Variants in DPF3 observed in about 807,000 individuals in gnomAD.
DPF3 encodes double PHD fingers 3.
Under a neutral mutation model 56.8 loss-of-function variants are expected in DPF3, and 18 were observed. The observed-to-expected ratio is 0.32, with a 90% CI of 0.22 to 0.47. The LOEUF (loss-of-function observed/expected upper bound fraction) is 0.47. Among genes scored for constraint, DPF3 ranks in the 20% least tolerant of loss-of-function variants. The pLI is 1.00. For synonymous variants in DPF3, 188 were observed against 180.2 expected (o/e 1.04, Z -0.35); for missense variants, 403 against 488.8 (o/e 0.82, Z 1.65).
intron 6 of DPF3, among the ~76,000 whole-genome samples, chr14:72,711,849 C>T (rs1047432958): frequency 6.6e-6 from 1 of 151,772 alleles, no homozygotes; most frequent in Admixed American, 6.6e-5. Context: ...TAGGGACGCT[C>T]GAGGAGGTGG....
intron 1 of DPF3, among the ~76,000 whole-genome samples, chr14:72,842,273 T>C (rs184787489): frequency 1.3e-5 from 2 of 152,172 alleles, no homozygotes; most frequent in Non-Finnish European, 2.9e-5. Flanking sequence ...AAAAGACAAG[T>C]ACCAGCATGT....
intron 1 of DPF3, among the ~76,000 whole-genome samples, chr14:72,876,499 AGG>A (rs1358400738): frequency 6.6e-6 from 1 of 152,012 alleles, no homozygotes; most frequent in Non-Finnish European, 1.5e-5. Context: ...AACCTGGCCC[AGG>A]CTTATTTCTC....
chr14:72,740,987 G>A (rs1016293266), intron 3 of DPF3, among the ~76,000 whole-genome samples: 5 of 152,066 alleles, frequency 3.3e-5, no homozygotes, highest in African/African-American at 7.2e-5. Context: ...GGAGGATCAC[G>A]TGAACACAGG....
At chr14:72,740,366 G>A (rs1890074925) in intron 3 of DPF3, among the ~76,000 whole-genome samples, 1 of 152,226 alleles carries the variant, frequency 6.6e-6, no homozygotes, top group Non-Finnish European at 1.5e-5. Flanking sequence ...CAGATGTGGG[G>A]TGACCAGTGA....
chr14:72,730,218 A>T (rs1194506933), intron 4 of DPF3, among the ~76,000 whole-genome samples: 1 of 151,688 alleles, frequency 6.6e-6, no homozygotes, highest in African/African-American at 2.4e-5. Flanking sequence ...GATGCGGGAG[A>T]ACTGGGCTTA....
At chr14:72,767,942 C>A (rs1474525334) in intron 2 of DPF3, among the ~76,000 whole-genome samples, 2 of 152,028 alleles carry the variant, frequency 1.3e-5, no homozygotes, top group African/African-American at 4.8e-5. Flanking sequence ...GGGAAAAAAG[C>A]ATTTAAATGA....
At chr14:72,678,100 T>C (rs1299696326) in intron 7 of DPF3, among the ~76,000 whole-genome samples, 5 of 152,206 alleles carry the variant, frequency 3.3e-5, no homozygotes, top group African/African-American at 9.6e-5. Context: ...AGGGAATTTT[T>C]TGACAGATGC....
At chr14:72,698,175 C>T (rs1887992735) in intron 6 of DPF3, among the ~76,000 whole-genome samples, 1 of 152,206 alleles carries the variant, frequency 6.6e-6, no homozygotes, top group African/African-American at 2.4e-5. Context: ...AGACAGTCCG[C>T]AATTTACAAT....
intron 1 of DPF3, among the ~76,000 whole-genome samples, chr14:72,869,762 C>T (rs773167461): frequency 6.6e-5 from 10 of 152,154 alleles, no homozygotes; most frequent in Non-Finnish European, 1.0e-4. Flanking sequence ...CTTAGTCCCT[C>T]ACTATCAGGA....
chr14:72,780,964 A>C (rs2139962667), intron 1 of DPF3, among the ~76,000 whole-genome samples: 1 of 152,294 alleles, frequency 6.6e-6, no homozygotes, highest in African/African-American at 2.4e-5. Context: ...GAAGCTGTGC[A>C]ATTCTGATTC....
chr14:72,802,344 C>T (rs553005405), intron 1 of DPF3, among the ~76,000 whole-genome samples: 47 of 152,268 alleles, frequency 3.1e-4, no homozygotes, highest in Admixed American at 2.0e-4. Flanking sequence ...AAGCCCATCG[C>T]TAAGTGTTTT....
At chr14:72,798,902 G>A (rs1411265759) in intron 1 of DPF3, among the ~76,000 whole-genome samples, 1 of 152,224 alleles carries the variant, frequency 6.6e-6, no homozygotes, top group Non-Finnish European at 1.5e-5. Flanking sequence ...AGGGCTTACT[G>A]CCCTCTCCTA....
intron 5 of DPF3, among the ~76,000 whole-genome samples, chr14:72,721,828 G>C (rs1388690393): frequency 1.3e-5 from 2 of 152,106 alleles, no homozygotes; most frequent in East Asian, 3.8e-4. Flanking sequence ...CACAGAGGAT[G>C]GAGAAAGACA....
chr14:72,631,607 C>T (rs1246605517), intron 8 of DPF3, among the ~76,000 whole-genome samples: 2 of 152,082 alleles, frequency 1.3e-5, no homozygotes. Context: ...CTGTGCCACA[C>T]CCCAGCCACA....
chr14:72,830,583 GT>G (rs61056157), intron 1 of DPF3, among the ~76,000 whole-genome samples: 77,528 of 151,956 alleles, frequency 0.51, 20,337 homozygotes, highest in East Asian at 0.87. Flanking sequence ...CCCCATCCCA[GT>G]TGTGGGGAGG....
rs1228607583 is a variant in DPF3 at position 72,613,476 on chromosome 14, G to C, written c.*5821C>G. Among the ~76,000 whole-genome samples the C allele has an allele frequency of 2.0e-5, 3 of 152,228 alleles. No homozygotes were observed. Among genetic ancestry groups the C allele is most frequent in the African/African-American group, 7.2e-5 (3 of 41,456 alleles). On this transcript the variant is annotated 3_prime_UTR_variant, in exon 11 of 11. Coordinates refer to ENST00000556509, the MANE Select transcript of DPF3 (RefSeq NM_001280542.3). ...CAAAATACTCCCTTCTCCTGGTGGA[G>C]CCAAAGAAGGGGAACTGTGGAAGGT...
chr14:72,619,605 G>A (rs1429783493), intron 10 of DPF3, among the ~76,000 whole-genome samples: 3 of 152,122 alleles, frequency 2.0e-5, no homozygotes, highest in Non-Finnish European at 2.9e-5. Context: ...AACTAGTGTC[G>A]CCGGGCCTGC....
intron 1 of DPF3, among the ~76,000 whole-genome samples, chr14:72,881,758 G>C (rs376088195): frequency 1.3e-5 from 2 of 152,144 alleles, no homozygotes; most frequent in African/African-American, 2.4e-5. Context: ...AACAGCTGGG[G>C]CTGCTGTGGA....
chr14:72,678,507 A>AT (rs995770459), intron 7 of DPF3, among the ~76,000 whole-genome samples: 3 of 152,196 alleles, frequency 2.0e-5, no homozygotes, highest in African/African-American at 7.2e-5. Flanking sequence ...TCATGAAGGA[A>AT]TTTTTTTAAG....
Sources: allele counts gnomAD v4.1 joint callset (sites outside exome capture counted in the v4.1 genomes callset), GRCh38; gene constraint gnomAD v4.1.1; transcripts MANE v1.5; gene names NCBI Gene and HGNC (gene_info 2026-07-23, HGNC 2026-07-21).